Variants in MED13 observed in about 807,000 individuals in gnomAD.
MED13 encodes mediator of RNA polymerase II transcription subunit 13.
MED13 carries 23 observed loss-of-function variants against 225.2 expected under a neutral mutation model. The ratio of observed to expected loss-of-function variants is 0.10; its 90% CI spans 0.07 to 0.14. The LOEUF (loss-of-function observed/expected upper bound fraction) is 0.14. Among genes scored for constraint, MED13 ranks in the 10% least tolerant of loss-of-function variants. The probability of loss-of-function intolerance (pLI) is 1.00; values close to 1 mark genes in which losing one functional copy is unlikely to be tolerated. For missense variants in MED13, 2,197 were observed against 2,594.5 expected (o/e 0.85, Z 3.33); for synonymous variants, 942 against 889.2 (o/e 1.06, Z -1.06).
chr17:62,019,675 C>G (rs1010109210), intron 8 of MED13, among the ~76,000 whole-genome samples: 3 of 152,070 alleles, frequency 2.0e-5, no homozygotes, highest in African/African-American at 7.2e-5. Flanking sequence ...ATTAAATCAG[C>G]CCTTTTCTTC....
intron 8 of MED13, among the ~76,000 whole-genome samples, chr17:62,018,599 A>G (rs1157237019): frequency 6.6e-6 from 1 of 152,120 alleles, no homozygotes; most frequent in Non-Finnish European, 1.5e-5. Context: ...CTGTAGTCCC[A>G]GCTACTTGGG....
intron 1 of MED13, among the ~76,000 whole-genome samples, chr17:62,064,414 C>T (rs2081064831): frequency 6.6e-6 from 1 of 152,184 alleles, no homozygotes; most frequent in African/African-American, 2.4e-5. Context: ...TCAAAACATT[C>T]TGAAAAAGCA....
intron 5 of MED13, chr17:62,032,541 T>A (rs2080767105): frequency 6.6e-6 from 1 of 151,780 alleles, no homozygotes; most frequent in Non-Finnish European, 1.5e-5. Context: ...TACCATTAGA[T>A]TCCCTTAAAT....
At chr17:61,969,858 T>A (rs1156800829) in intron 17 of MED13, among the ~76,000 whole-genome samples, 1 of 152,138 alleles carries the variant, frequency 6.6e-6, no homozygotes, top group East Asian at 1.9e-4. Context: ...CACCTCGGCC[T>A]CCCAAAGTGC....
intron 2 of MED13, among the ~76,000 whole-genome samples, chr17:62,059,750 A>C (rs996400170): frequency 2.0e-5 from 3 of 152,244 alleles, no homozygotes; most frequent in African/African-American, 7.2e-5. Context: ...AGCAAAGAAA[A>C]GGGCAAGACA....
intron 23 of MED13, among the ~76,000 whole-genome samples, chr17:61,958,361 CAA>C (rs2143327651): frequency 6.6e-6 from 1 of 151,610 alleles, no homozygotes; most frequent in Admixed American, 6.6e-5. Context: ...ATTTTTGAGA[CAA>C]GAGTCTCGCT....
intron 16 of MED13, among the ~76,000 whole-genome samples, chr17:61,981,143 C>T (rs1014188595): frequency 6.6e-6 from 1 of 152,096 alleles, no homozygotes; most frequent in African/African-American, 2.4e-5. Flanking sequence ...CTGCCTTAGC[C>T]TCCCGAGTAG....
intron 28 of MED13, among the ~76,000 whole-genome samples, chr17:61,947,562 C>T (rs892696424): frequency 1.3e-5 from 2 of 152,160 alleles, no homozygotes; most frequent in Admixed American, 1.3e-4. Flanking sequence ...CGCAGACATA[C>T]CTACGTCTAG....
chr17:62,016,195 C>A (rs2080579262), intron 8 of MED13, among the ~76,000 whole-genome samples: 1 of 147,178 alleles, frequency 6.8e-6, no homozygotes, highest in African/African-American at 2.5e-5. Flanking sequence ...AAAAACCCAG[C>A]AGGTCCTACC....
rs889224896 is a variant in MED13 at position 62,033,856 on chromosome 17, T to A, written c.745A>T (p.Met249Leu). 1 of 1,613,970 alleles carries A rather than the reference T, an allele frequency of 6.2e-7. No individual in the cohort carries two copies. ...FYPISCCLKE[M>L]SEEKQEDMDW... ...ATATCTTCCTGTTTTTCTTCAGACA[T>A]CTCCTTCAAGCAACATGAGATAGGA... The change falls in exon 5 of 30, where the codon ATG becomes TTG. Residue 249 changes from methionine (M) to leucine (L), a missense_variant. Physicochemically the swap from Met to Leu is conservative, Grantham distance 15 (BLOSUM62 2). Coordinates refer to ENST00000397786, the MANE Select transcript of MED13 (RefSeq NM_005121.3).
intron 6 of MED13, 151 bp downstream of exon 6, chr17:62,031,293 C>T (rs149173818): frequency 1.6e-6 from 1 of 642,498 alleles, no homozygotes; most frequent in African/African-American, 1.9e-5. Context: ...TAAATAATAA[C>T]AGTTTGGAAA....
At chr17:62,024,277 C>CA (rs1170365659) in intron 8 of MED13, among the ~76,000 whole-genome samples, 1 of 152,130 alleles carries the variant, frequency 6.6e-6, no homozygotes, top group African/African-American at 2.4e-5. Flanking sequence ...CTCAGCAACC[C>CA]AAAGTGCTGG....
chr17:61,964,905 C>T (rs2080041399), intron 20 of MED13, 101 bp downstream of exon 20: 5 of 1,136,302 alleles, frequency 4.4e-6, no homozygotes, highest in Non-Finnish European at 4.9e-6. Flanking sequence ...CACTGCAGTA[C>T]AGCCTGCGCA....
Position 62,062,759 on chromosome 17 carries a change from C to T in MED13, c.301+308G>A, listed in dbSNP as rs963777128. On this transcript the variant is annotated intron_variant, in intron 2 of 29. Coordinates refer to ENST00000397786, the MANE Select transcript of MED13 (RefSeq NM_005121.3). ...CTATTACACGACTTTGTTAGGAACT[C>T]TGTTTCCTGATTCCATTTTTTTAGA... Among the ~76,000 whole-genome samples, 5 of 152,260 alleles carry T rather than the reference C, an allele frequency of 3.3e-5. No homozygotes were observed. In the East Asian group the frequency reaches 9.6e-4, roughly 29 times the overall value.
intron 29 of MED13, 56 bp from the exon 30 acceptor site, chr17:61,946,656 A>G: frequency 6.3e-7 from 1 of 1,594,784 alleles, no homozygotes; most frequent in Admixed American, 1.8e-5. Flanking sequence ...TAGATTTTGG[A>G]AGCAGTTTTC....
intron 11 of MED13, among the ~76,000 whole-genome samples, chr17:61,990,912 TCTTAA>T (rs1243718376): frequency 1.3e-5 from 2 of 152,092 alleles, no homozygotes; most frequent in African/African-American, 2.4e-5. Context: ...AGAACAGCTC[TCTTAA>T]CTTGTGTGTG....
At position 61,962,924 on chromosome 17, in the gene MED13, T is replaced by C. The variant is rs746878867; in HGVS notation, c.4892A>G (p.His1631Arg). 1 of 1,614,108 alleles carries C rather than the reference T, an allele frequency of 6.2e-7. No individual in the cohort carries two copies. ...KVGIPTDGDSHAVTYPPAIVV... is the reference protein window; with the variant it reads ...KVGIPTDGDSRAVTYPPAIVV... ...AATTGCAGGTGGATACGTGACTGCA[T>C]GTGAATCACCATCTGTGGGGATTCC... is the stretch of plus-strand genomic sequence containing the variant. The change falls in exon 21 of 30, where the codon CAT becomes CGT. Residue 1631 changes from histidine to arginine, a missense_variant. His to Arg is a conservative substitution (Grantham distance 29). Coordinates refer to ENST00000397786, the MANE Select transcript of MED13 (RefSeq NM_005121.3).
rs79400294 is a variant in MED13, at chr17:61,990,931, G to A, written c.2263+1609C>T. On this transcript the variant is annotated intron_variant, in intron 11 of 29. Coordinates refer to ENST00000397786, the MANE Select transcript of MED13 (RefSeq NM_005121.3). ...CAGCTCTCTTAACTTGTGTGTGTGG[G>A]AAGAAAATGACAGCAAAATTCCAGT... Among the ~76,000 whole-genome samples, 128 of 152,086 alleles carry A rather than the reference G, an allele frequency of 8.4e-4. No homozygotes were observed. The East Asian group carries it at 0.02, about 24-fold the overall frequency.
At chr17:62,023,235 A>G (rs2080667054) in intron 8 of MED13, among the ~76,000 whole-genome samples, 1 of 152,098 alleles carries the variant, frequency 6.6e-6, no homozygotes, top group Admixed American at 6.6e-5. Context: ...TCCCAAATCA[A>G]TTTTTAAGAG....
Sources: gnomAD v4.1 joint callset for allele counts (sites outside exome capture counted in the v4.1 genomes callset) on GRCh38, gnomAD v4.1.1 for gene constraint, MANE v1.5 for transcripts, NCBI Gene and HGNC (gene_info 2026-07-23, HGNC 2026-07-21) for gene names.